KDM4C: variants seen among roughly 807,000 people sequenced by gnomAD.
The protein encoded by KDM4C is lysine demethylase 4C.
In KDM4C, 81 loss-of-function variants were observed where a neutral mutation model predicts 129.3. The observed-to-expected ratio is 0.63, with a 90% CI of 0.52 to 0.75. The LOEUF (loss-of-function observed/expected upper bound fraction) is 0.75. Ranked by LOEUF, KDM4C falls within the 30% of genes least tolerant of loss-of-function variation. The probability of loss-of-function intolerance (pLI) is 0.00; values close to 1 mark genes in which losing one functional copy is unlikely to be tolerated. For synonymous variants in KDM4C, 573 were observed against 456.1 expected (o/e 1.26, Z -3.26); for missense variants, 1,457 against 1,304.0 (o/e 1.12, Z -1.81).
At chr9:7,019,524 A>T (rs1431278006) in intron 15 of KDM4C, among the ~76,000 whole-genome samples, 1 of 151,632 alleles carries the variant, frequency 6.6e-6, no homozygotes, top group African/African-American at 2.4e-5. Context: ...TAGCATATTC[A>T]GTTTGAGACA....
At chr9:6,958,925 G>T (rs1005574585) in intron 8 of KDM4C, among the ~76,000 whole-genome samples, 1 of 152,060 alleles carries the variant, frequency 6.6e-6, no homozygotes, top group Non-Finnish European at 1.5e-5. Context: ...TGGGATTACA[G>T]GCGTGAGCCA....
intron 5 of KDM4C, among the ~76,000 whole-genome samples, chr9:6,867,017 A>ATATATT (rs1265774550): frequency 1.2e-5 from 1 of 83,784 alleles, no homozygotes; most frequent in African/African-American, 4.5e-5. Context: ...ATATATATAT[A>ATATATT]TTTTTTTTTT....
intron 1 of KDM4C, among the ~76,000 whole-genome samples, chr9:6,759,584 C>G (rs775028674): frequency 3.3e-5 from 5 of 152,122 alleles, no homozygotes; most frequent in Non-Finnish European, 5.9e-5. Flanking sequence ...ATCCCGCAAA[C>G]TTGGTAATAC....
intron 5 of KDM4C, among the ~76,000 whole-genome samples, chr9:6,858,416 A>G (rs1181750045): frequency 6.6e-6 from 1 of 152,130 alleles, no homozygotes; most frequent in Non-Finnish European, 1.5e-5. Flanking sequence ...TGTTAAATCC[A>G]TAACTCTAGG....
chr9:7,165,515 G>C (rs932855635), intron 20 of KDM4C, among the ~76,000 whole-genome samples, 158 bp downstream of exon 20: 1 of 152,228 alleles, frequency 6.6e-6, no homozygotes, highest in African/African-American at 2.4e-5. Context: ...GACCCAGGTC[G>C]AAACCCTGGA....
chr9:6,955,054 C>T (rs1051756825), intron 8 of KDM4C, among the ~76,000 whole-genome samples: 1 of 152,112 alleles, frequency 6.6e-6, no homozygotes, highest in African/African-American at 2.4e-5. Context: ...GTGGCTAGAC[C>T]CCTCTTCCTC....
At chr9:7,060,496 A>G (rs1039783907) in intron 17 of KDM4C, among the ~76,000 whole-genome samples, 1 of 134,366 alleles carries the variant, frequency 7.4e-6, no homozygotes, top group African/African-American at 2.7e-5. Flanking sequence ...TATTATTATT[A>G]TTTTGAGATG....
At chr9:6,868,990 A>G (rs903344442) in intron 5 of KDM4C, among the ~76,000 whole-genome samples, 2 of 152,150 alleles carry the variant, frequency 1.3e-5, no homozygotes, top group Non-Finnish European at 2.9e-5. Flanking sequence ...GTTTTGTGCC[A>G]TTGTCTTACT....
intron 4 of KDM4C, among the ~76,000 whole-genome samples, chr9:6,838,579 C>CTT (rs1554712849): frequency 6.6e-6 from 1 of 152,058 alleles, no homozygotes; most frequent in Non-Finnish European, 1.5e-5. Context: ...TCATATTTGC[C>CTT]TTTATCTTTT....
rs181521960 is a variant in KDM4C, at chr9:7,107,039, T to G, written c.2610+3169T>G. On this transcript the variant is annotated intron_variant, in intron 18 of 21. Coordinates refer to ENST00000381309, the MANE Select transcript of KDM4C (RefSeq NM_015061.6). ...TATTTCAACCTAAATTTTTAGCATG[T>G]GTTTGCCAGCGTTTTTGTTGAACAC... 3.3e-5 allele frequency among the ~76,000 whole-genome samples: 5 copies of G among 152,272 alleles called. No individual in the cohort carries two copies. In the East Asian group the frequency reaches 9.6e-4, roughly 29 times the overall value.
chr9:7,071,905 C>A (rs908826413), intron 17 of KDM4C, among the ~76,000 whole-genome samples: 2 of 152,088 alleles, frequency 1.3e-5, no homozygotes, highest in Non-Finnish European at 2.9e-5. Context: ...AGAATATTTG[C>A]ACAACACACA....
At chr9:6,865,718 C>G (rs1288485273) in intron 5 of KDM4C, among the ~76,000 whole-genome samples, 2 of 151,722 alleles carry the variant, frequency 1.3e-5, no homozygotes, top group South Asian at 4.2e-4. Flanking sequence ...GCATGTGCCA[C>G]CATGCCTAGC....
intron 12 of KDM4C, among the ~76,000 whole-genome samples, chr9:7,001,182 G>A (rs1820656082): frequency 6.6e-6 from 1 of 152,192 alleles, no homozygotes; most frequent in African/African-American, 2.4e-5. Context: ...CTTTATACCT[G>A]TCAAGTGAAC....
At chr9:6,927,317 A>G (rs535956903) in intron 8 of KDM4C, among the ~76,000 whole-genome samples, 1 of 151,982 alleles carries the variant, frequency 6.6e-6, no homozygotes. Context: ...TTTAGTAGAG[A>G]TGGTGTTTTG....
At chr9:6,751,271 C>T (rs1818055250) in intron 1 of KDM4C, among the ~76,000 whole-genome samples, 1 of 152,128 alleles carries the variant, frequency 6.6e-6, no homozygotes, top group South Asian at 2.1e-4. Context: ...CATGGCAAAA[C>T]CCCGTCTCTA....
Position 6,760,896 on chromosome 9 carries a change from A to C in KDM4C, c.-18+2693A>C, listed in dbSNP as rs942032461. Among the ~76,000 whole-genome samples, 8 of 151,470 alleles carry C rather than the reference A, an allele frequency of 5.3e-5. No individual in the cohort carries two copies. In the East Asian group the frequency reaches 1.4e-3, roughly 26 times the overall value. On this transcript the variant is annotated intron_variant, in intron 1 of 21. Transcript: ENST00000381309. ...TTGGTGATACTCTTTCAAGCCTTGA[A>C]GGGGCCTGTTGATCTTTCCCTATTC...
intron 5 of KDM4C, among the ~76,000 whole-genome samples, chr9:6,875,017 AT>A (rs1843342079): frequency 6.6e-6 from 1 of 151,868 alleles, no homozygotes; most frequent in South Asian, 2.1e-4. Context: ...TTGATTGAGG[AT>A]GCAGTTGCTG....
At chr9:6,895,372 C>G (rs943165958) in intron 8 of KDM4C, among the ~76,000 whole-genome samples, 3 of 152,192 alleles carry the variant, frequency 2.0e-5, no homozygotes. Flanking sequence ...ACTAAACGTT[C>G]ATATTTGTTG....
At chr9:6,781,048 C>G (rs1404495760) in intron 1 of KDM4C, among the ~76,000 whole-genome samples, 1 of 152,012 alleles carries the variant, frequency 6.6e-6, no homozygotes, top group Non-Finnish European at 1.5e-5. Context: ...TGCTGTAGCC[C>G]CTCATGGCAT....
Sources: gnomAD v4.1 joint callset for allele counts (sites outside exome capture counted in the v4.1 genomes callset) on GRCh38, gnomAD v4.1.1 for gene constraint, MANE v1.5 for transcripts, NCBI Gene and HGNC (gene_info 2026-07-23, HGNC 2026-07-21) for gene names.